The following SPOCK3 variants were observed in gnomAD, a reference collection of about 807,000 sequenced individuals.
SPOCK3 encodes SPARC (osteonectin), cwcv and kazal like domains proteoglycan 3.
SPOCK3 carries 30 observed loss-of-function variants against 56.6 expected under a neutral mutation model. The ratio of observed to expected loss-of-function variants is 0.53; its 90% CI spans 0.40 to 0.72. The LOEUF (loss-of-function observed/expected upper bound fraction) is 0.72. Ranked by LOEUF, SPOCK3 falls within the 30% of genes least tolerant of loss-of-function variation. SPOCK3 has a pLI of 0.00. For synonymous variants in SPOCK3, 196 were observed against 183.3 expected (o/e 1.07, Z -0.56); for missense variants, 527 against 530.0 (o/e 0.99, Z 0.06).
chr4:167,089,672 T>A (rs1863784), intron 2 of SPOCK3, among the ~76,000 whole-genome samples: 1 of 152,110 alleles, frequency 6.6e-6, no homozygotes, highest in African/African-American at 2.4e-5. Flanking sequence ...GTCATATTTC[T>A]CCCTTTAGAT....
At chr4:166,791,649 T>C (rs552275172) in intron 7 of SPOCK3, among the ~76,000 whole-genome samples, 53 of 152,302 alleles carry the variant, frequency 3.5e-4, no homozygotes, top group African/African-American at 1.3e-3. Context: ...TAGAGAATTA[T>C]ACTGATAATT....
intron 3 of SPOCK3, among the ~76,000 whole-genome samples, chr4:167,042,271 T>A (rs35447722): frequency 6.6e-6 from 1 of 152,176 alleles, no homozygotes; most frequent in African/African-American, 2.4e-5. Context: ...TTTCTATCCA[T>A]CTGTGGTTGA....
rs116987974 is a variant in SPOCK3, at chr4:167,126,525, G to A, written c.190-63988C>T. Reference sequence around the variant, plus strand: ...TATCATGCTATTGCACTCTAGCCTGGGCAACAAGAGTCAAACTCTGTCAAA... The same window carrying A: ...TATCATGCTATTGCACTCTAGCCTGAGCAACAAGAGTCAAACTCTGTCAAA... On this transcript the variant is annotated intron_variant, in intron 2 of 10. Transcript: ENST00000357545. Among the ~76,000 whole-genome samples the A allele has an allele frequency of 1.1e-3, 165 of 151,858 alleles. 3 individuals carry two copies. In the East Asian group the frequency reaches 0.028, roughly 26 times the overall value.
At chr4:167,129,441 C>G (rs1433436351) in intron 2 of SPOCK3, among the ~76,000 whole-genome samples, 1 of 152,226 alleles carries the variant, frequency 6.6e-6, no homozygotes, top group Non-Finnish European at 1.5e-5. Flanking sequence ...AGGCACAGGA[C>G]ACTGGAGTTT....
At chr4:166,955,080 A>T (rs1260466269) in intron 4 of SPOCK3, among the ~76,000 whole-genome samples, 1 of 152,174 alleles carries the variant, frequency 6.6e-6, no homozygotes, top group Non-Finnish European at 1.5e-5. Flanking sequence ...AATCCAGGAA[A>T]CTATTAAGTG....
intron 4 of SPOCK3, among the ~76,000 whole-genome samples, chr4:166,914,465 A>G (rs1414176200): frequency 6.6e-6 from 1 of 152,292 alleles, no homozygotes; most frequent in African/African-American, 2.4e-5. Context: ...ACTAGAAGTA[A>G]ATTTTTAAAA....
chr4:166,988,981 C>A (rs941837549), intron 4 of SPOCK3, among the ~76,000 whole-genome samples: 1 of 151,960 alleles, frequency 6.6e-6, no homozygotes, highest in African/African-American at 2.4e-5. Flanking sequence ...AAAGAATTTT[C>A]CAGATCCAAA....
At chr4:166,868,323 G>T (rs919171766) in intron 6 of SPOCK3, among the ~76,000 whole-genome samples, 4 of 151,858 alleles carry the variant, frequency 2.6e-5, no homozygotes, top group African/African-American at 9.7e-5. Flanking sequence ...ACCTAGGCAT[G>T]GGGGCACAGG....
chr4:166,988,734 C>G (rs866474561), intron 4 of SPOCK3, among the ~76,000 whole-genome samples: 5 of 151,980 alleles, frequency 3.3e-5, no homozygotes, highest in Non-Finnish European at 4.4e-5. Flanking sequence ...ACTGGTATAG[C>G]CTTTTCAATT....
At chr4:166,970,758 C>G (rs1561069740) in intron 4 of SPOCK3, among the ~76,000 whole-genome samples, 1 of 151,698 alleles carries the variant, frequency 6.6e-6, no homozygotes, top group Non-Finnish European at 1.5e-5. Flanking sequence ...CAGAGTAACA[C>G]AGGACTTGAT....
intron 2 of SPOCK3, among the ~76,000 whole-genome samples, chr4:167,230,993 T>C (rs1737118919): frequency 6.6e-6 from 1 of 152,086 alleles, no homozygotes; most frequent in Non-Finnish European, 1.5e-5. Flanking sequence ...TCATTGCTTC[T>C]TTAGCATTTA....
chr4:166,943,428 A>G (rs968193219), intron 4 of SPOCK3, among the ~76,000 whole-genome samples: 2 of 152,220 alleles, frequency 1.3e-5, no homozygotes, highest in African/African-American at 4.8e-5. Flanking sequence ...AAGAGACATA[A>G]TAGTAAAAAG....
At chr4:167,085,908 T>G (rs1005620646) in intron 2 of SPOCK3, among the ~76,000 whole-genome samples, 1 of 152,044 alleles carries the variant, frequency 6.6e-6, no homozygotes, top group African/African-American at 2.4e-5. Context: ...TGATATATTA[T>G]GGGTACTTAA....
At chr4:166,809,442 A>G (rs755449547) in intron 6 of SPOCK3, among the ~76,000 whole-genome samples, 1 of 152,048 alleles carries the variant, frequency 6.6e-6, no homozygotes, top group African/African-American at 2.4e-5. Context: ...AGTGATTAAC[A>G]TCATCCTATG....
chr4:166,908,944 C>T (rs140969563), intron 5 of SPOCK3, among the ~76,000 whole-genome samples: 1 of 151,994 alleles, frequency 6.6e-6, no homozygotes, highest in African/African-American at 2.4e-5. Context: ...CAACCTTGAA[C>T]AGACTAACTA....
intron 4 of SPOCK3, among the ~76,000 whole-genome samples, chr4:166,957,849 T>A (rs1238014670): frequency 6.6e-6 from 1 of 152,138 alleles, no homozygotes; most frequent in Non-Finnish European, 1.5e-5. Context: ...AAGTAACCAA[T>A]TTGTGTTTTA....
chr4:167,225,614 T>A (rs1237407678), intron 2 of SPOCK3, among the ~76,000 whole-genome samples: 3 of 152,070 alleles, frequency 2.0e-5, no homozygotes, highest in African/African-American at 7.2e-5. Context: ...TGAAAAATGA[T>A]AAATAAATAG....
At chr4:167,198,710 C>T (rs1000465531) in intron 2 of SPOCK3, among the ~76,000 whole-genome samples, 10 of 152,058 alleles carry the variant, frequency 6.6e-5, no homozygotes, top group African/African-American at 2.4e-4. Context: ...ATCTCTTTGC[C>T]CAGCTCAGTT....
chr4:166,949,707 T>G (rs1222757140), intron 4 of SPOCK3, among the ~76,000 whole-genome samples: 5 of 152,082 alleles, frequency 3.3e-5, no homozygotes, highest in African/African-American at 1.2e-4. Context: ...GGAAGTTTCG[T>G]CTCAGAGGAG....
Sources: allele counts gnomAD v4.1 joint callset (sites outside exome capture counted in the v4.1 genomes callset), GRCh38; gene constraint gnomAD v4.1.1; transcripts MANE v1.5; gene names NCBI Gene and HGNC (gene_info 2026-07-23, HGNC 2026-07-21).